The following PLA2R1 variants were observed in gnomAD, a reference collection of about 807,000 sequenced individuals.
PLA2R1 encodes phospholipase A2 receptor 1.
Under a neutral mutation model 195.9 loss-of-function variants are expected in PLA2R1, and 158 were observed. The observed-to-expected ratio is 0.81, with a 90% CI of 0.71 to 0.92. PLA2R1 has a LOEUF of 0.92. PLA2R1 is among the 40% of genes least tolerant of loss of function. The probability of loss-of-function intolerance (pLI) is 0.00; values close to 1 mark genes in which losing one functional copy is unlikely to be tolerated. For synonymous variants in PLA2R1, 586 were observed against 598.2 expected (o/e 0.98, Z 0.30); for missense variants, 1,626 against 1,764.6 (o/e 0.92, Z 1.41).
chr2:160,013,703 GTCTCTCTCTC>G (rs879130648), intron 9 of PLA2R1, among the ~76,000 whole-genome samples: 1,625 of 95,652 alleles, frequency 0.017, 20 homozygotes, highest in Non-Finnish European at 0.024. Flanking sequence ...CTCTCTCTCT[GTCTCTCTCTC>G]TCTCTCTCTG....
chr2:160,049,414 G>A (rs1013053270), intron 1 of PLA2R1, among the ~76,000 whole-genome samples: 12 of 152,174 alleles, frequency 7.9e-5, no homozygotes, highest in Admixed American at 2.6e-4. Context: ...CTACTTCATA[G>A]ACACTGGGTA....
chr2:159,997,666 T>C (rs558974821), intron 11 of PLA2R1, among the ~76,000 whole-genome samples: 1 of 152,220 alleles, frequency 6.6e-6, no homozygotes, highest in African/African-American at 2.4e-5. Context: ...AGCAGTTTTA[T>C]CAATGACAGT....
chr2:159,997,705 C>T (rs1174118550), intron 11 of PLA2R1, among the ~76,000 whole-genome samples: 1 of 152,054 alleles, frequency 6.6e-6, no homozygotes, highest in Non-Finnish European at 1.5e-5. Flanking sequence ...GCACTGGTTC[C>T]TCTGGAGATT....
At position 159,935,355 on chromosome 2, in the gene PLA2R1, T is replaced by C. The variant is rs980638401; in HGVS notation, c.*6423A>G. On this transcript the variant is annotated 3_prime_UTR_variant, in exon 30 of 30. Transcript: ENST00000283243. ...AGGTCTTGCCAACAATTATTACTGT[T>C]GTGTTTTCCTGATAGTGATTTTTGT... is the stretch of plus-strand genomic sequence containing the variant. 1 of 152,238 alleles carries C rather than the reference T, an allele frequency of 6.6e-6. No homozygotes were observed. Among genetic ancestry groups the C allele is most frequent in the Non-Finnish European group, 1.5e-5 (1 of 68,036 alleles). 9.4% of individuals were successfully genotyped at this position (152,238 alleles called of 1,614,324 possible).
chr2:160,016,500 T>C, intron 9 of PLA2R1, 114 bp downstream of exon 9: 1 of 641,878 alleles, frequency 1.6e-6, no homozygotes, highest in Non-Finnish European at 2.8e-6. Context: ...GAGAGAGAGA[T>C]GAAAGAGAGG....
chr2:159,976,749 T>C (rs929071627), intron 15 of PLA2R1, 29 bp from the exon 16 acceptor site: 2 of 1,590,222 alleles, frequency 1.3e-6, no homozygotes, highest in Non-Finnish European at 1.7e-6. Context: ...TCACTTTGAC[T>C]GATCTTGCTT....
chr2:159,991,042 G>A (rs534734553), intron 11 of PLA2R1, among the ~76,000 whole-genome samples: 7 of 152,330 alleles, frequency 4.6e-5, no homozygotes, highest in African/African-American at 1.7e-4. Flanking sequence ...CTTGCTCCAG[G>A]ATTTGAAACC....
intron 1 of PLA2R1, among the ~76,000 whole-genome samples, chr2:160,056,530 T>C (rs1695560452): frequency 6.6e-6 from 1 of 152,174 alleles, no homozygotes; most frequent in Non-Finnish European, 1.5e-5. Context: ...AACCACTACC[T>C]CTCCTATTCT....
chr2:159,950,512 G>A (rs1311561955), intron 24 of PLA2R1, among the ~76,000 whole-genome samples: 1 of 152,204 alleles, frequency 6.6e-6, no homozygotes, highest in Admixed American at 6.5e-5. Context: ...GAACCCAAAT[G>A]TCTATTCACA....
chr2:160,028,209 A>G lies in PLA2R1; in HGVS notation c.1099+9T>C. 6.4e-7 allele frequency: 1 copy of G among 1,562,842 alleles called. No homozygotes were observed. The highest frequency in any genetic ancestry group is 8.7e-7 in the Non-Finnish European group (1 of 1,154,924). On this transcript the variant is annotated intron_variant, in intron 6 of 29. Coordinates refer to ENST00000283243, the MANE Select transcript of PLA2R1 (RefSeq NM_007366.5). ...ACACCTAAGAACAACTTAAAATAAAAACGCTTACCAACTATTTCATGATCA... is the reference window on the plus strand; with the variant it reads ...ACACCTAAGAACAACTTAAAATAAAGACGCTTACCAACTATTTCATGATCA...
At chr2:159,927,793 C>G (rs1686523072), downstream of PLA2R1, among the ~76,000 whole-genome samples, 2 of 152,242 alleles carry the variant, frequency 1.3e-5, no homozygotes, top group Non-Finnish European at 1.5e-5. Flanking sequence ...CTCCTCCTTT[C>G]TTGCAGTGTT....
intron 10 of PLA2R1, among the ~76,000 whole-genome samples, chr2:160,011,943 AGT>A (rs567739780): frequency 2.9e-4 from 32 of 109,310 alleles, no homozygotes; most frequent in East Asian, 2.0e-3. Flanking sequence ...AATCCATTTG[AGT>A]GTGTGTGTGT....
chr2:160,037,345 T>C (rs1262718229), intron 3 of PLA2R1, among the ~76,000 whole-genome samples: 1 of 152,260 alleles, frequency 6.6e-6, no homozygotes, highest in Non-Finnish European at 1.5e-5. Flanking sequence ...ATGACACTCA[T>C]GGACTCTGTC....
chr2:159,942,069 C>T (rs1687114940), intron 29 of PLA2R1, 58 bp downstream of exon 29: 11 of 1,573,382 alleles, frequency 7.0e-6, no homozygotes, highest in Non-Finnish European at 7.9e-6. Context: ...CATACAGCTG[C>T]TTTCTATCTT....
At chr2:160,060,484 G>A (rs548388378) in intron 1 of PLA2R1, among the ~76,000 whole-genome samples, 1 of 152,348 alleles carries the variant, frequency 6.6e-6, no homozygotes, top group East Asian at 1.9e-4. Context: ...CAGGGAGAGA[G>A]CCTGTGCCTG....
intron 1 of PLA2R1, among the ~76,000 whole-genome samples, chr2:160,050,271 G>T (rs915849019): frequency 9.1e-6 from 1 of 109,566 alleles, no homozygotes; most frequent in East Asian, 4.6e-4. Flanking sequence ...GACTCTGAGC[G>T]GGGAGTGTGC....
chr2:159,947,096 A>G (rs934909108), intron 26 of PLA2R1, among the ~76,000 whole-genome samples, 179 bp from the exon 27 acceptor site: 9 of 152,252 alleles, frequency 5.9e-5, no homozygotes, highest in Admixed American at 4.6e-4. Flanking sequence ...ACAAGCTTGC[A>G]CGTCAGAAGT....
chr2:160,016,978 T>G (rs1692815999), intron 8 of PLA2R1, among the ~76,000 whole-genome samples: 1 of 152,224 alleles, frequency 6.6e-6, no homozygotes, highest in Non-Finnish European at 1.5e-5. Context: ...TCTTGATAGC[T>G]GCCATGTGCT....
At chr2:159,971,463 C>T (rs546689079) in intron 17 of PLA2R1, among the ~76,000 whole-genome samples, 4 of 148,898 alleles carry the variant, frequency 2.7e-5, no homozygotes, top group South Asian at 2.1e-4. Flanking sequence ...CATGTGCACA[C>T]GTGTGTGCGC....
Sources: allele counts gnomAD v4.1 joint callset (sites outside exome capture counted in the v4.1 genomes callset), GRCh38; gene constraint gnomAD v4.1.1; transcripts MANE v1.5; gene names NCBI Gene and HGNC (gene_info 2026-07-23, HGNC 2026-07-21).